The following AIM2 variants were observed in gnomAD, a reference collection of about 807,000 sequenced individuals.
The protein encoded by AIM2 is interferon-inducible protein AIM2.
Under a neutral mutation model 27.7 loss-of-function variants are expected in AIM2, and 30 were observed. The observed-to-expected ratio is 1.08, with a 90% CI of 0.81 to 1.47. The LOEUF (loss-of-function observed/expected upper bound fraction) is 1.47. AIM2 is among the 40% of genes most tolerant of loss of function. The pLI, the probability that AIM2 is intolerant of heterozygous loss-of-function variation, is 0.00. For synonymous variants in AIM2, 141 were observed against 145.3 expected (o/e 0.97, Z 0.21); for missense variants, 358 against 411.3 (o/e 0.87, Z 1.12).
intron 2 of AIM2, among the ~76,000 whole-genome samples, chr1:159,072,094 A>AT (rs1656385128): frequency 6.6e-6 from 1 of 152,212 alleles, no homozygotes; most frequent in South Asian, 2.1e-4. Context: ...ATATGCCTAG[A>AT]TTCCTGGCTC....
chr1:159,133,642 C>T (rs1219567207), intron 1 of AIM2, among the ~76,000 whole-genome samples: 2 of 152,166 alleles, frequency 1.3e-5, no homozygotes, highest in African/African-American at 4.8e-5. Flanking sequence ...TTTTAGTTAT[C>T]ATCACTACTG....
chr1:159,086,665 G>A (rs899551002), intron 1 of AIM2, among the ~76,000 whole-genome samples: 1 of 152,180 alleles, frequency 6.6e-6, no homozygotes, highest in African/African-American at 2.4e-5. Flanking sequence ...CAGCAATAAA[G>A]TGGAAAGAAG....
At chr1:159,086,773 G>A (rs1312355332) in intron 1 of AIM2, among the ~76,000 whole-genome samples, 3 of 152,176 alleles carry the variant, frequency 2.0e-5, no homozygotes, top group Admixed American at 1.3e-4. Context: ...ATTGAAGGCT[G>A]TCAGTCCCTA....
chr1:159,133,832 T>A (rs1384381749), intron 1 of AIM2, among the ~76,000 whole-genome samples: 2 of 152,222 alleles, frequency 1.3e-5, no homozygotes, highest in Non-Finnish European at 2.9e-5. Context: ...CTTTCTCTTC[T>A]CACCCTGTAC....
At chr1:159,075,232 A>T (rs1656548232) in intron 1 of AIM2, among the ~76,000 whole-genome samples, 1 of 152,182 alleles carries the variant, frequency 6.6e-6, no homozygotes, top group Non-Finnish European at 1.5e-5. Context: ...ACAAATGACA[A>T]TACACAGGGA....
chr1:159,127,614 G>C (rs574969484), intron 1 of AIM2, among the ~76,000 whole-genome samples: 2 of 152,368 alleles, frequency 1.3e-5, no homozygotes, highest in South Asian at 2.1e-4. Context: ...ACTATTCCCT[G>C]TTGGGATCCT....
At chr1:159,077,420 A>G (rs1191006590), upstream of AIM2, among the ~76,000 whole-genome samples, 1 of 152,212 alleles carries the variant, frequency 6.6e-6, no homozygotes, top group Non-Finnish European at 1.5e-5. Context: ...GAATTTCCCC[A>G]TGGAAGTTTT....
At chr1:159,136,236 C>T (rs1407148817) in intron 1 of AIM2, among the ~76,000 whole-genome samples, 2 of 152,168 alleles carry the variant, frequency 1.3e-5, no homozygotes, top group East Asian at 1.9e-4. Context: ...TCTCTCAAGT[C>T]CTCACGCACA....
At chr1:159,091,511 A>G (rs1431912787) in intron 1 of AIM2, among the ~76,000 whole-genome samples, 3 of 152,250 alleles carry the variant, frequency 2.0e-5, no homozygotes, top group African/African-American at 7.2e-5. Context: ...AGACTATCTT[A>G]TATGCTTGAG....
intron 1 of AIM2, among the ~76,000 whole-genome samples, chr1:159,104,804 A>C (rs1657394860): frequency 6.6e-6 from 1 of 152,198 alleles, no homozygotes; most frequent in Non-Finnish European, 1.5e-5. Flanking sequence ...CATGAGTTCA[A>C]ATTCCATTTC....
chr1:159,085,588 G>A (rs760630678), intron 1 of AIM2, among the ~76,000 whole-genome samples: 26 of 152,308 alleles, frequency 1.7e-4, no homozygotes, highest in Non-Finnish European at 2.9e-4. Context: ...TTAGACGAAA[G>A]GTCAGAACTC....
At chr1:159,144,776 A>C (rs1648173241), upstream of AIM2, among the ~76,000 whole-genome samples, 1 of 152,184 alleles carries the variant, frequency 6.6e-6, no homozygotes, top group African/African-American at 2.4e-5. Flanking sequence ...GCTGGGATAC[A>C]TATGATAAAT....
At chr1:159,066,527 G>A (rs770234332) in intron 3 of AIM2, among the ~76,000 whole-genome samples, 198 bp from the exon 4 acceptor site, 4 of 152,140 alleles carry the variant, frequency 2.6e-5, no homozygotes, top group African/African-American at 7.2e-5. Context: ...GGAAGATTTC[G>A]ACTCCTGTAT....
At chr1:159,114,211 G>T (rs1439451271) in intron 1 of AIM2, among the ~76,000 whole-genome samples, 2 of 152,144 alleles carry the variant, frequency 1.3e-5, no homozygotes, top group Non-Finnish European at 2.9e-5. Context: ...CAGTATAAGG[G>T]ACTATGCTGA....
chr1:159,066,321 C>T lies in AIM2; in HGVS notation c.405G>A (p.Gln135=), dbSNP rs753123039. Residue 135 remains glutamine (Q), a synonymous_variant, in exon 4 of 6, where the codon CAG becomes CAA. Transcript: ENST00000368130. ...PKVSPHVKPE[Q]KQMVAQQESI... The stretch of plus-strand genomic sequence containing the variant: ...ATTCCTGCTGGGCCACCATCTGTTT[C>T]TGTTCAGGCTGAAGACAAGAGAAGA... 7.5e-6 allele frequency: 12 copies of T among 1,609,020 alleles called. No homozygotes were observed. The South Asian group carries it at 1.3e-4, about 18-fold the overall frequency.
intron 1 of AIM2, among the ~76,000 whole-genome samples, chr1:159,107,653 G>A (rs1219496958): frequency 6.6e-6 from 1 of 152,064 alleles, no homozygotes; most frequent in Non-Finnish European, 1.5e-5. Flanking sequence ...AAAATTGATA[G>A]ACCATTAGCA....
intron 1 of AIM2, among the ~76,000 whole-genome samples, chr1:159,094,659 C>T (rs1557902482): frequency 4.6e-5 from 7 of 152,202 alleles, no homozygotes. Flanking sequence ...GATTGCATTA[C>T]TGCACTCCAG....
At chr1:159,137,107 A>G (rs953502207) in intron 1 of AIM2, among the ~76,000 whole-genome samples, 1 of 152,216 alleles carries the variant, frequency 6.6e-6, no homozygotes, top group Non-Finnish European at 1.5e-5. Flanking sequence ...ACTCAAACTC[A>G]TCAGTGGTGC....
chr1:159,114,934 C>T (rs1009204417), intron 1 of AIM2, among the ~76,000 whole-genome samples: 7 of 152,048 alleles, frequency 4.6e-5, no homozygotes, highest in East Asian at 1.9e-4. Flanking sequence ...CTAGAAAACC[C>T]CATCGTCTCA....
Sources: gnomAD v4.1 joint callset for allele counts (sites outside exome capture counted in the v4.1 genomes callset) on GRCh38, gnomAD v4.1.1 for gene constraint, MANE v1.5 for transcripts, NCBI Gene and HGNC (gene_info 2026-07-23, HGNC 2026-07-21) for gene names.